Variants in ABCA9 observed in about 807,000 individuals in gnomAD.
The protein encoded by ABCA9 is ATP-binding cassette sub-family A member 9.
In ABCA9, 183 loss-of-function variants were observed where a neutral mutation model predicts 205.3. The observed-to-expected ratio is 0.89, with a 90% CI of 0.79 to 1.01. ABCA9 has a LOEUF of 1.01. Ranked by LOEUF, ABCA9 falls within the 50% of genes least tolerant of loss-of-function variation. The pLI is 0.00. For synonymous variants in ABCA9, 651 were observed against 683.3 expected, an observed-to-expected ratio of 0.95 and a Z score of 0.74; for missense variants, 1,805 against 1,912.4, an observed-to-expected ratio of 0.94 and a Z score of 1.05.
chr17:69,041,368 A>T (rs1300777647), intron 6 of ABCA9, among the ~76,000 whole-genome samples: 2 of 152,274 alleles, frequency 1.3e-5, no homozygotes, highest in Admixed American at 6.5e-5. Context: ...TATTATTTTT[A>T]AAATCATCTT....
chr17:69,005,670 C>A (rs1314462700), intron 25 of ABCA9, among the ~76,000 whole-genome samples: 1 of 152,304 alleles, frequency 6.6e-6, no homozygotes, highest in Middle Eastern at 3.4e-3. Flanking sequence ...CCCTGCTCTA[C>A]GAACAAAGAG....
At chr17:68,996,107 G>T in intron 25 of ABCA9, 93 bp from the exon 26 acceptor site, 1 of 1,363,476 alleles carries the variant, frequency 7.3e-7, no homozygotes, top group Non-Finnish European at 9.9e-7. Flanking sequence ...TATAAACGTT[G>T]TTATTTTCAA....
intron 1 of ABCA9, among the ~76,000 whole-genome samples, chr17:69,055,917 A>G (rs562330481): frequency 1.1e-4 from 16 of 152,276 alleles, no homozygotes; most frequent in African/African-American, 3.8e-4. Context: ...AATAACATAA[A>G]AGTCAAAGAA....
At position 68,997,226 on chromosome 17, in the gene ABCA9, C is replaced by T. The variant is rs561036722; in HGVS notation, c.3436-1212G>A. ...GATTACAGGCGTGAGCCATTGAGCT[C>T]GGCCAAATTATTCTTTTGCAAACTT... On this transcript the variant is annotated intron_variant, in intron 25 of 38. Coordinates refer to ENST00000340001, the MANE Select transcript of ABCA9 (RefSeq NM_080283.4). 2.6e-5 allele frequency among the ~76,000 whole-genome samples: 4 copies of T among 152,312 alleles called. No individual in the cohort carries two copies. In the East Asian group the frequency reaches 5.8e-4, roughly 22 times the overall value.
chr17:69,063,625 G>A (rs9906195), upstream of ABCA9, among the ~76,000 whole-genome samples: 1,337 of 152,074 alleles, frequency 8.8e-3, 28 homozygotes, highest in African/African-American at 0.031. Context: ...TTTTGTGTGT[G>A]TGTGTGACGT....
At position 69,024,089 on chromosome 17, in the gene ABCA9, T is replaced by C. The variant is rs117444108; in HGVS notation, c.2281+125A>G. 325 of 1,052,258 alleles carry C rather than the reference T, an allele frequency of 3.1e-4. 2 individuals are homozygous for C. The East Asian group carries it at 8.1e-3, about 26-fold the overall frequency. The allele number at this position is 1,052,258 out of a possible 1,614,324, so 65.2% of individuals were successfully genotyped here. A position where few individuals can be genotyped will look rare whatever the true frequency, so the allele number is the denominator to read the frequency against. ...ATAAGTGACCTTGGAGTTGGGAATA[T>C]TAAATGAGTAAACGCATTGTGCCAT... On this transcript the variant is annotated intron_variant, in intron 17 of 38. Transcript: ENST00000340001.
Position 69,012,081 on chromosome 17 carries a change from C to A in ABCA9, c.3042G>T (p.Glu1014Asp). The change falls in exon 23 of 39, where the codon GAG (glutamate) becomes GAT (aspartate). Residue 1014 changes from glutamate (E) to aspartate (D), a missense_variant and splice_region_variant. Coordinates refer to ENST00000340001, the MANE Select transcript of ABCA9 (RefSeq NM_080283.4). ...GGTACCCATACTCATAATCCATATG[C>A]TCCTGAAATCATGTGGAACATGGTG... ...IQTDRSTFFE[E>D]HMDYEYGYRS... 6.2e-7 allele frequency: 1 copy of A among 1,603,452 alleles called. No individual in the cohort carries two copies. Among genetic ancestry groups the A allele is most frequent in the South Asian group, 1.1e-5 (1 of 89,528 alleles).
the ABCA9 span, among the ~76,000 whole-genome samples, chr17:69,070,922 T>C: frequency 6.6e-6 from 1 of 152,124 alleles, no homozygotes; most frequent in Non-Finnish European, 1.5e-5. Context: ...TGTCTGCCAT[T>C]ACTGAGGCTT....
chr17:68,990,723 G>T, intron 29 of ABCA9, 114 bp downstream of exon 29: 3 of 1,279,990 alleles, frequency 2.3e-6, no homozygotes, highest in Non-Finnish European at 3.2e-6. Context: ...GTAATAAGCT[G>T]TATGTGTAAG....
At chr17:68,993,120 T>C in intron 26 of ABCA9, 36 bp from the exon 27 acceptor site, 1 of 1,544,642 alleles carries the variant, frequency 6.5e-7, no homozygotes, top group South Asian at 1.1e-5. Context: ...CAGGTGAACC[T>C]TCTTTATTTA....
At chr17:69,050,389 G>A (rs187214034) in intron 2 of ABCA9, among the ~76,000 whole-genome samples, 24 of 151,158 alleles carry the variant, frequency 1.6e-4, no homozygotes, top group Non-Finnish European at 3.1e-4. Flanking sequence ...CATAAGATCA[G>A]ATGTTAATAT....
At chr17:69,030,284 C>T (rs575649245) in intron 10 of ABCA9, among the ~76,000 whole-genome samples, 1 of 152,254 alleles carries the variant, frequency 6.6e-6, no homozygotes, top group East Asian at 1.9e-4. Context: ...GATTTGGCTT[C>T]TGATGAGGGC....
Position 69,011,989 on chromosome 17 carries a change from ATGC to A in ABCA9, c.3131_3133del (p.Ser1044del). 6.2e-7 allele frequency: 1 copy of A among 1,611,758 alleles called. No homozygotes were observed. Among genetic ancestry groups the A allele is most frequent in the Non-Finnish European group, 8.5e-7 (1 of 1,178,916 alleles). On this transcript the variant is annotated inframe_deletion, in exon 23 of 39. Transcript: ENST00000340001. ...AACTCTTCTTACTTTGTAGTCACCA[ATGC>A]TGCTCATTGCAATGTATGGAGTGAA...
rs375689201 is a variant in ABCA9, at chr17:68,976,193, G to A, written c.4721-3C>T. On this transcript the variant is annotated splice_region_variant and splice_polypyrimidine_tract_variant and intron_variant, in intron 37 of 38. Coordinates refer to ENST00000340001, the MANE Select transcript of ABCA9 (RefSeq NM_080283.4). ...CTCCAGGTCGAAACTCTGTTTAACTGCATAAGAATGAGCATACATTAGGAA... is the reference window on the plus strand; with the variant it reads ...CTCCAGGTCGAAACTCTGTTTAACTACATAAGAATGAGCATACATTAGGAA... 9.9e-6 allele frequency: 16 copies of A among 1,612,900 alleles called. No individual in the cohort carries two copies. The African/African-American group carries it at 2.0e-4, about 20-fold the overall frequency.
chr17:69,043,534 A>C lies in ABCA9; in HGVS notation c.755T>G (p.Ile252Ser). The part of the protein sequence containing the change: ...SVNVTQERQY[I>S]TSLMTMMGLR... ...TCCCATCATTGTCATCAATGACGTA[A>C]TGTATTGTCTTTCTTGTGTAACATT... The change falls in exon 6 of 39, where the codon ATT (isoleucine) becomes AGT (serine). Residue 252 changes from isoleucine to serine, a missense_variant. Transcript: ENST00000340001. 1 of 1,609,730 alleles carries C rather than the reference A, an allele frequency of 6.2e-7. No homozygotes were observed. Among genetic ancestry groups the C allele is most frequent in the Non-Finnish European group, 8.5e-7 (1 of 1,178,106 alleles).
upstream of ABCA9, among the ~76,000 whole-genome samples, chr17:69,063,375 A>T (rs1217207960): frequency 6.6e-6 from 1 of 152,158 alleles, no homozygotes; most frequent in African/African-American, 2.4e-5. Flanking sequence ...TCACCCCAAG[A>T]CCTGTGTGCA....
rs144426553 is a variant in ABCA9, at chr17:68,987,742, T to G, written c.4047+1285A>C. Among the ~76,000 whole-genome samples, 189 of 135,846 alleles carry G rather than the reference T, an allele frequency of 1.4e-3. 2 individuals carry two copies. The highest frequency in any genetic ancestry group is 4.6e-3 in the African/African-American group (170 of 36,888). 89.1% of individuals were successfully genotyped at this position (135,846 alleles called of 152,430 possible). ...TTGACATGACCTCATTTGCGTTTTT[T>G]TTTGTTTGTTTGTTTGTTTGTTTGT... On this transcript the variant is annotated intron_variant, in intron 31 of 38. Coordinates refer to ENST00000340001, the MANE Select transcript of ABCA9 (RefSeq NM_080283.4).
intron 1 of ABCA9, among the ~76,000 whole-genome samples, chr17:69,055,566 G>A (rs1221186122): frequency 6.6e-6 from 1 of 152,148 alleles, no homozygotes; most frequent in African/African-American, 2.4e-5. Context: ...CTTATAGTTG[G>A]AGACTTCATC....
At chr17:68,998,332 C>A (rs1468208535) in intron 25 of ABCA9, among the ~76,000 whole-genome samples, 1 of 152,146 alleles carries the variant, frequency 6.6e-6, no homozygotes. Context: ...TTATGTCTGA[C>A]CTTTCCTAGA....
Sources: allele counts gnomAD v4.1 joint callset (sites outside exome capture counted in the v4.1 genomes callset), GRCh38; gene constraint gnomAD v4.1.1; transcripts MANE v1.5; gene names NCBI Gene and HGNC (gene_info 2026-07-23, HGNC 2026-07-21).